The following PARD3B variants were observed in gnomAD, a reference collection of about 807,000 sequenced individuals.
PARD3B encodes partitioning defective 3 homolog B.
A neutral mutation model predicts 130.2 loss-of-function variants in PARD3B; 103 were observed. The ratio of observed to expected loss-of-function variants is 0.79; its 90% CI spans 0.67 to 0.93. The LOEUF is 0.93. Ranked by LOEUF, PARD3B falls within the 40% of genes least tolerant of loss-of-function variation. PARD3B has a pLI of 0.00. For synonymous variants in PARD3B, 583 were observed against 553.2 expected, an observed-to-expected ratio of 1.05 and a Z score of -0.76; for missense variants, 1,609 against 1,499.2, an observed-to-expected ratio of 1.07 and a Z score of -1.21.
Position 204,912,287 on chromosome 2 carries a change from G to A in PARD3B, c.223-52865G>A, listed in dbSNP as rs1251001575. 5.3e-5 allele frequency among the ~76,000 whole-genome samples: 8 copies of A among 151,978 alleles called. No homozygotes were observed. In the East Asian group the frequency reaches 1.5e-3, roughly 29 times the overall value. On this transcript the variant is annotated intron_variant, in intron 2 of 22. Coordinates refer to ENST00000406610, the MANE Select transcript of PARD3B (RefSeq NM_001302769.2). ...GATGCTAATTCCTGATATATTTTGG[G>A]GTAAAATTACTGAAGACTTTTAATC...
intron 22 of PARD3B, among the ~76,000 whole-genome samples, chr2:205,602,898 T>G (rs1009902556): frequency 2.0e-5 from 3 of 152,222 alleles, no homozygotes; most frequent in African/African-American, 7.2e-5. Flanking sequence ...TCTTGCCTTC[T>G]TCTAGCTTTG....
rs553907442 is a variant in PARD3B, at chr2:204,709,742, A to G, written c.222+23460A>G. ...TCTTAAGGTAACCAAAATCAGGCCA[A>G]CAACAATTTCCAGACCAGGAATACT... On this transcript the variant is annotated intron_variant, in intron 2 of 22. Transcript: ENST00000406610. 2.6e-5 allele frequency among the ~76,000 whole-genome samples: 4 copies of G among 152,352 alleles called. 1 individual carries two copies. The highest frequency in any genetic ancestry group is 9.6e-5 in the African/African-American group (4 of 41,572).
chr2:204,930,932 A>G (rs1687982158), intron 2 of PARD3B, among the ~76,000 whole-genome samples: 1 of 152,066 alleles, frequency 6.6e-6, no homozygotes, highest in African/African-American at 2.4e-5. Flanking sequence ...TATCTCTTCA[A>G]CTAAATTATA....
intron 2 of PARD3B, among the ~76,000 whole-genome samples, chr2:204,956,129 A>G (rs1329061404): frequency 6.6e-6 from 1 of 152,210 alleles, no homozygotes; most frequent in East Asian, 1.9e-4. Flanking sequence ...TTGGAGAATG[A>G]TCTTTGCAGA....
chr2:204,704,011 C>G (rs999424578), intron 2 of PARD3B, among the ~76,000 whole-genome samples: 1 of 151,836 alleles, frequency 6.6e-6, no homozygotes, highest in South Asian at 2.1e-4. Context: ...CAAATTTTTC[C>G]AGATATGGCA....
At chr2:205,490,307 C>T (rs558784376) in intron 20 of PARD3B, among the ~76,000 whole-genome samples, 22 of 151,506 alleles carry the variant, frequency 1.5e-4, no homozygotes, top group Non-Finnish European at 2.7e-4. Context: ...TGTTCCCCTT[C>T]CTGTGTCCAT....
At chr2:205,252,523 T>C (rs557002259) in intron 16 of PARD3B, among the ~76,000 whole-genome samples, 32 of 152,246 alleles carry the variant, frequency 2.1e-4, no homozygotes, top group African/African-American at 7.5e-4. Flanking sequence ...TAGCAGGATC[T>C]GAAAGCAAAA....
At chr2:204,954,007 C>G (rs1451012572) in intron 2 of PARD3B, among the ~76,000 whole-genome samples, 1 of 152,064 alleles carries the variant, frequency 6.6e-6, no homozygotes, top group Non-Finnish European at 1.5e-5. Flanking sequence ...AGCGAGGACC[C>G]CAGCCTTCTT....
In PARD3B at chr2:205,173,654, A is replaced by G. The variant is rs1413455468; in HGVS notation, c.1791+1273A>G. On this transcript the variant is annotated intron_variant, in intron 12 of 22. Transcript: ENST00000406610. ...TATGCTCTCCTTTATATAAGCTCGCAGATGTTAAATAAATTTAAATTGGCC... is the reference window on the plus strand; with the variant it reads ...TATGCTCTCCTTTATATAAGCTCGCGGATGTTAAATAAATTTAAATTGGCC... Among the ~76,000 whole-genome samples the G allele has an allele frequency of 4.6e-5, 7 of 152,320 alleles. No individual in the cohort carries two copies. In the South Asian group the frequency reaches 1.4e-3, roughly 32 times the overall value.
intron 22 of PARD3B, among the ~76,000 whole-genome samples, chr2:205,605,667 G>A (rs975483106): frequency 1.3e-5 from 2 of 152,174 alleles, no homozygotes; most frequent in Admixed American, 6.5e-5. Context: ...ATGCCAGCAG[G>A]AATGCTCCTG....
Position 204,606,543 on chromosome 2 carries a change from C to T in PARD3B, c.120+60424C>T, listed in dbSNP as rs1396855643. ...CAGAGAGACCCATGTTACTTCTGCT[C>T]ACATTTCGTTGGCCACTTACATGGT... On this transcript the variant is annotated intron_variant, in intron 1 of 22. Coordinates refer to ENST00000406610, the MANE Select transcript of PARD3B (RefSeq NM_001302769.2). The surrounding 1 kb of genome is among the most constrained non-coding windows in gnomAD (Gnocchi z 4.0). Among the ~76,000 whole-genome samples the T allele has an allele frequency of 1.3e-5, 2 of 152,144 alleles. No homozygotes were observed. The highest frequency in any genetic ancestry group is 2.9e-5 in the Non-Finnish European group (2 of 68,020).
rs114395173 is a variant in PARD3B, at chr2:205,096,737, T to C, written c.505-7689T>C. On this transcript the variant is annotated intron_variant, in intron 4 of 22. Coordinates refer to ENST00000406610, the MANE Select transcript of PARD3B (RefSeq NM_001302769.2). ...AAGGATTTGAGCCAGTCATTTAATGTTAATGATTTTACCTGCTCCCAGGAT... is the reference window on the plus strand; with the variant it reads ...AAGGATTTGAGCCAGTCATTTAATGCTAATGATTTTACCTGCTCCCAGGAT... 9.8e-3 allele frequency among the ~76,000 whole-genome samples: 1,494 copies of C among 152,312 alleles called. 28 individuals are homozygous for C. Among genetic ancestry groups the C allele is most frequent in the African/African-American group, 0.034 (1,415 of 41,566 alleles).
At chr2:204,941,195 CAAACTCCGTCTCTACTAA>C (rs1382015751) in intron 2 of PARD3B, among the ~76,000 whole-genome samples, 1 of 152,058 alleles carries the variant, frequency 6.6e-6, no homozygotes, top group Admixed American at 6.5e-5. Context: ...CCAACATGGC[CAAACTCCGTCTCTACTAA>C]AAATACAAAA....
chr2:205,586,394 G>A (rs1460323280), intron 22 of PARD3B, among the ~76,000 whole-genome samples: 2 of 152,168 alleles, frequency 1.3e-5, no homozygotes, highest in Non-Finnish European at 2.9e-5. Context: ...TTATGTGGAA[G>A]GCTATTATTC....
At chr2:204,963,719 T>C (rs1022193959) in intron 2 of PARD3B, among the ~76,000 whole-genome samples, 1 of 152,160 alleles carries the variant, frequency 6.6e-6, no homozygotes, top group Non-Finnish European at 1.5e-5. Flanking sequence ...AGAATAATCT[T>C]TCATTATTAT....
At chr2:204,654,097 C>T (rs2035570162) in intron 1 of PARD3B, among the ~76,000 whole-genome samples, 2 of 151,282 alleles carry the variant, frequency 1.3e-5, no homozygotes, top group East Asian at 1.9e-4. Flanking sequence ...TTATCTGTGT[C>T]TCAGCAAGGA....
intron 2 of PARD3B, among the ~76,000 whole-genome samples, chr2:204,897,302 G>T (rs1015567409): frequency 5.3e-5 from 8 of 151,384 alleles, no homozygotes; most frequent in African/African-American, 1.9e-4. Context: ...AGAGGACTAA[G>T]AGTTGGTAAA....
chr2:205,186,810 T>C (rs949423838), intron 14 of PARD3B, among the ~76,000 whole-genome samples: 13 of 152,216 alleles, frequency 8.5e-5, no homozygotes, highest in Admixed American at 6.5e-4. Context: ...AGGGGTTTCA[T>C]AAAAGAAAAT....
intron 2 of PARD3B, among the ~76,000 whole-genome samples, chr2:204,865,315 C>T (rs2045365167): frequency 6.6e-6 from 1 of 152,204 alleles, no homozygotes; most frequent in African/African-American, 2.4e-5. Flanking sequence ...AAGATACTTG[C>T]ACACACATTT....
Sources: allele counts gnomAD v4.1 joint callset (sites outside exome capture counted in the v4.1 genomes callset), GRCh38; gene constraint gnomAD v4.1.1; non-coding constraint Gnocchi (gnomAD v3.1); transcripts MANE v1.5; gene names NCBI Gene and HGNC (gene_info 2026-07-23, HGNC 2026-07-21).